TPRG1: variants seen among roughly 807,000 people sequenced by gnomAD.
TPRG1 encodes the protein tumor protein p63-regulated gene 1 protein.
TPRG1 carries 29 observed loss-of-function variants against 29.3 expected under a neutral mutation model. That is an observed-to-expected ratio of 0.99 (90% confidence interval 0.74 to 1.35). TPRG1 has a LOEUF of 1.35. Among genes scored for constraint, TPRG1 ranks in the 40% most tolerant of loss-of-function variants. TPRG1 has a pLI of 0.00. For synonymous variants in TPRG1, 130 were observed against 116.8 expected (o/e 1.11, Z -0.73); for missense variants, 327 against 335.0 (o/e 0.98, Z 0.19).
chr3:189,284,528 G>A (rs1479504454), intron 4 of TPRG1, among the ~76,000 whole-genome samples: 5 of 152,022 alleles, frequency 3.3e-5, no homozygotes, highest in Admixed American at 1.3e-4. Context: ...TACAAAGGAC[G>A]TGAACTCATC....
At chr3:189,246,294 G>C (rs1741375799) in intron 4 of TPRG1, among the ~76,000 whole-genome samples, 1 of 152,116 alleles carries the variant, frequency 6.6e-6, no homozygotes, top group African/African-American at 2.4e-5. Context: ...AGAACCGTGA[G>C]TCCATTAAAC....
At chr3:189,121,264 TA>T (rs1367120817) in intron 1 of TPRG1, 3 of 152,222 alleles carry the variant, frequency 2.0e-5, no homozygotes, top group African/African-American at 7.2e-5. Context: ...TGCCCTGTTT[TA>T]CCACATCATT....
At chr3:189,054,631 A>G (rs1715539604) in intron 4 of TPRG1, among the ~76,000 whole-genome samples, 7 of 151,900 alleles carry the variant, frequency 4.6e-5, no homozygotes, top group Admixed American at 4.6e-4. Context: ...ATGCACACAC[A>G]CAAAAGCCGG....
At chr3:189,228,368 T>TTAAAA (rs10693139) in intron 3 of TPRG1, among the ~76,000 whole-genome samples, 49,567 of 151,558 alleles carry the variant, frequency 0.33, 8,994 homozygotes, top group South Asian at 0.49. Flanking sequence ...GCAAAAATTC[T>TTAAAA]TAATAGCAAA....
In TPRG1 at chr3:189,156,025, T is replaced by G. The variant is rs1726620854; in HGVS notation, c.-10+5153T>G. Among the ~76,000 whole-genome samples the G allele has an allele frequency of 2.0e-5, 3 of 152,236 alleles. No homozygotes were observed. In the South Asian group the frequency reaches 6.2e-4, roughly 31 times the overall value. On this transcript the variant is annotated intron_variant, in intron 5 of 6. Coordinates refer to the TPRG1 transcript ENST00000412373. ...AAAGTAACTATGAGAAGTGATGGTATGTTAATGAGCTTCATTGTGGTAATC... is the reference window on the plus strand; with the variant it reads ...AAAGTAACTATGAGAAGTGATGGTAGGTTAATGAGCTTCATTGTGGTAATC...
intron 1 of TPRG1, among the ~76,000 whole-genome samples, chr3:189,176,318 T>A (rs1729482899): frequency 6.6e-6 from 1 of 152,214 alleles, no homozygotes; most frequent in South Asian, 2.1e-4. Flanking sequence ...TTAAACTATT[T>A]ATTGAACAAT....
chr3:189,206,011 A>ATTTC (rs1734268047), intron 1 of TPRG1, among the ~76,000 whole-genome samples: 1 of 61,188 alleles, frequency 1.6e-5, no homozygotes, highest in African/African-American at 8.6e-5. Context: ...ATGCAGGTAC[A>ATTTC]TTTCCTTCCT....
At chr3:189,077,285 A>G (rs1717242316) in intron 4 of TPRG1, among the ~76,000 whole-genome samples, 1 of 152,136 alleles carries the variant, frequency 6.6e-6, no homozygotes, top group Admixed American at 6.6e-5. Flanking sequence ...ATAATGAACT[A>G]CTTTTACACA....
chr3:189,224,808 A>T lies in TPRG1; in HGVS notation c.302+9425A>T, dbSNP rs117714858. Among the ~76,000 whole-genome samples, 1,414 of 152,100 alleles carry T rather than the reference A, an allele frequency of 9.3e-3. 39 individuals carry two copies. In the East Asian group the frequency reaches 0.12, roughly 13 times the overall value. The stretch of plus-strand genomic sequence containing the variant: ...GCTGTGTGCTCCCAGCTTTGCCAAC[A>T]CATTGCCACTGCCCACTGCCTTACA... On this transcript the variant is annotated intron_variant, in intron 3 of 5. Transcript: ENST00000345063.
rs370807650 is a variant in TPRG1 at position 189,069,973 on chromosome 3, C to T, written c.-463+46027C>T. 2.2e-4 allele frequency among the ~76,000 whole-genome samples: 33 copies of T among 151,974 alleles called. No homozygotes were observed. The East Asian group carries it at 4.8e-3, about 22-fold the overall frequency. On this transcript the variant is annotated intron_variant, in intron 4 of 10. Coordinates refer to the TPRG1 transcript ENST00000433971. ...CCACGTGTCTGTAGTCCCAGCTACT[C>T]GGGAGGCTGAGGCAGGAGAATCGGT...
intron 4 of TPRG1, among the ~76,000 whole-genome samples, chr3:189,075,516 GC>G (rs973787603): frequency 5.3e-5 from 8 of 152,098 alleles, no homozygotes; most frequent in African/African-American, 1.7e-4. Context: ...GAGTAGATGG[GC>G]CCATTGTCAG....
At chr3:189,192,675 C>T (rs747638379) in intron 1 of TPRG1, among the ~76,000 whole-genome samples, 2 of 152,090 alleles carry the variant, frequency 1.3e-5, no homozygotes, top group Admixed American at 6.6e-5. Context: ...TTGTTTCTTT[C>T]ATTTTCTTTT....
chr3:189,240,403 A>G (rs1740348916), intron 4 of TPRG1: 1 of 152,190 alleles, frequency 6.6e-6, no homozygotes, highest in Non-Finnish European at 1.5e-5. Flanking sequence ...ATATAAAAGA[A>G]TAAAAAGTTC....
chr3:189,234,199 G>A (rs1739097918), intron 3 of TPRG1, among the ~76,000 whole-genome samples: 2 of 152,124 alleles, frequency 1.3e-5, no homozygotes, highest in African/African-American at 2.4e-5. Flanking sequence ...TTAAAGGGAG[G>A]AAAGATATTA....
intron 4 of TPRG1, among the ~76,000 whole-genome samples, chr3:189,072,714 G>C (rs1578287909): frequency 1.3e-5 from 2 of 152,016 alleles, no homozygotes; most frequent in East Asian, 3.9e-4. Context: ...CTCTACCCAA[G>C]ATCCATTGGT....
intron 4 of TPRG1, chr3:189,267,450 A>G (rs956727826): frequency 1.3e-5 from 2 of 152,244 alleles, no homozygotes; most frequent in African/African-American, 4.8e-5. Flanking sequence ...GCATAATCTG[A>G]CAAAGCCCAA....
In TPRG1 at chr3:189,216,053, C is replaced by G. The variant is rs142141093; in HGVS notation, c.302+670C>G. On this transcript the variant is annotated intron_variant, in intron 3 of 5. Transcript: ENST00000345063. ...GTTGTTTGTGTGACCATCTCTTTAC[C>G]CGCCAAGTAAATATTAGTAATACCA... Among the ~76,000 whole-genome samples, 52 of 152,218 alleles carry G rather than the reference C, an allele frequency of 3.4e-4. No individual in the cohort carries two copies. In the East Asian group the frequency reaches 9.1e-3, roughly 27 times the overall value.
intron 4 of TPRG1, among the ~76,000 whole-genome samples, chr3:189,057,880 A>ACG (rs1408164142): frequency 2.9e-5 from 4 of 138,036 alleles, no homozygotes; most frequent in African/African-American, 6.0e-5. Context: ...GTGTGTATAT[A>ACG]TATATACGTA....
chr3:189,301,375 G>C (rs1720815320), intron 4 of TPRG1, among the ~76,000 whole-genome samples: 1 of 149,144 alleles, frequency 6.7e-6, no homozygotes. Flanking sequence ...TGAATGCCTA[G>C]TAGGCACTGT....
Sources: gnomAD v4.1 joint callset for allele counts (sites outside exome capture counted in the v4.1 genomes callset) on GRCh38, gnomAD v4.1.1 for gene constraint, MANE v1.5 for transcripts, NCBI Gene and HGNC (gene_info 2026-07-23, HGNC 2026-07-21) for gene names.